The following FXYD6 variants were observed in gnomAD, a reference collection of about 807,000 sequenced individuals.
The protein encoded by FXYD6 is FXYD domain-containing ion transport regulator 6.
A neutral mutation model predicts 16.7 loss-of-function variants in FXYD6; 7 were observed. The observed-to-expected ratio is 0.42, with a 90% CI of 0.24 to 0.79. FXYD6 has a LOEUF of 0.79. Among genes scored for constraint, FXYD6 ranks in the 30% least tolerant of loss-of-function variants. The pLI is 0.28. For synonymous variants in FXYD6, 49 were observed against 43.0 expected (o/e 1.14, Z -0.54); for missense variants, 111 against 116.2 (o/e 0.95, Z 0.21).
intron 1 of FXYD6, among the ~76,000 whole-genome samples, chr11:117,857,931 G>A (rs534953694): frequency 7.2e-5 from 11 of 152,244 alleles, no homozygotes; most frequent in Admixed American, 4.6e-4. Context: ...GCTCATGAAC[G>A]GGACCTGGGG....
intron 5 of FXYD6, 85 bp downstream of exon 5, chr11:117,841,063 T>C: frequency 6.5e-7 from 1 of 1,548,948 alleles, no homozygotes; most frequent in Non-Finnish European, 8.8e-7. Flanking sequence ...TCCAAGAGAA[T>C]GCCCATTTGG....
At chr11:117,871,411 C>T (rs2057132912) in intron 1 of FXYD6, among the ~76,000 whole-genome samples, 1 of 119,448 alleles carries the variant, frequency 8.4e-6, no homozygotes, top group East Asian at 2.9e-4. Context: ...TGCCAGGCAC[C>T]GTGGGGAGAA....
chr11:117,842,845 C>T (rs2056385190), intron 1 of FXYD6, 64 bp from the exon 2 acceptor site: 7 of 1,531,590 alleles, frequency 4.6e-6, no homozygotes, highest in Admixed American at 2.0e-5. Context: ...CAGCTCCAAG[C>T]GTCAGCCTGA....
chr11:117,847,701 T>A (rs1413414280), intron 1 of FXYD6, among the ~76,000 whole-genome samples: 1 of 152,294 alleles, frequency 6.6e-6, no homozygotes, highest in East Asian at 1.9e-4. Flanking sequence ...GACTCGTCAT[T>A]TTTTATGGCT....
rs2057103102 is a variant in FXYD6 at position 117,870,116 on chromosome 11, A to C, written c.-6+6476T>G. ...CCATGGACTTCTCACAACAGCCCTC[A>C]GAAGCAGAAACACAGAACAGTACTG... On this transcript the variant is annotated intron_variant, in intron 1 of 7. Transcript: ENST00000526014. This position sits in a 1 kb window ranked among gnomAD's most constrained non-coding sequence, Gnocchi z 4.2. Among the ~76,000 whole-genome samples, 2 of 152,242 alleles carry C rather than the reference A, an allele frequency of 1.3e-5. No individual in the cohort carries two copies. Among genetic ancestry groups the C allele is most frequent in the South Asian group, 4.1e-4 (2 of 4,832 alleles).
chr11:117,840,989 C>T (rs895475554), intron 5 of FXYD6, among the ~76,000 whole-genome samples, 159 bp downstream of exon 5: 1 of 152,128 alleles, frequency 6.6e-6, no homozygotes, highest in African/African-American at 2.4e-5. Context: ...CCAGAGTCTA[C>T]CTGGCAGTCC....
In FXYD6 at chr11:117,837,523, AG is replaced by A. The variant is rs1336883999; in HGVS notation, c.*775del. On this transcript the variant is annotated 3_prime_UTR_variant, in exon 8 of 8. Coordinates refer to ENST00000526014, the MANE Select transcript of FXYD6 (RefSeq NM_022003.4). This position sits in a 1 kb window ranked among gnomAD's most constrained non-coding sequence, Gnocchi z 4.4. ...GGGACACATTCCCCAGGGGCAGAGTAGAAGCCCTGGGCCTGGAATCCCCGGG... is the reference window on the plus strand; with the variant it reads ...GGGACACATTCCCCAGGGGCAGAGTAAAGCCCTGGGCCTGGAATCCCCGGG... 6.5e-6 allele frequency: 1 copy of A among 152,806 alleles called. No homozygotes were observed. Among genetic ancestry groups the A allele is most frequent in the Non-Finnish European group, 1.5e-5 (1 of 68,220 alleles). The allele number at this position is 152,806 out of a possible 1,614,324, so 9.5% of individuals were successfully genotyped here.
At position 117,848,665 on chromosome 11, in the gene FXYD6, T is replaced by C. The variant is rs980373971; in HGVS notation, c.-5-5884A>G. Among the ~76,000 whole-genome samples the C allele has an allele frequency of 4.6e-5, 7 of 152,350 alleles. 2 individuals carry two copies. Among genetic ancestry groups the C allele is most frequent in the Admixed American group, 1.3e-4 (2 of 15,300 alleles). On this transcript the variant is annotated intron_variant, in intron 1 of 7. Coordinates refer to ENST00000526014, the MANE Select transcript of FXYD6 (RefSeq NM_022003.4). ...GTAAAATCATCCGGGCTTGGGACTTTCTTTGTGGGAAGATCTTAAATGGCC... is the reference window on the plus strand; with the variant it reads ...GTAAAATCATCCGGGCTTGGGACTTCCTTTGTGGGAAGATCTTAAATGGCC...
intron 6 of FXYD6, 193 bp from the exon 7 acceptor site, chr11:117,840,023 A>G: frequency 1.4e-6 from 1 of 703,998 alleles, no homozygotes; most frequent in Non-Finnish European, 2.4e-6. Context: ...AACCTCTCTC[A>G]GTCCCTCGGT....
At chr11:117,841,762 T>C in intron 4 of FXYD6, 29 bp downstream of exon 4, 1 of 1,612,662 alleles carries the variant, frequency 6.2e-7, no homozygotes, top group Non-Finnish European at 8.5e-7. Context: ...TCATTGCTCT[T>C]AACAGAGTGA....
chr11:117,870,749 A>G lies in FXYD6; in HGVS notation c.-6+5843T>C, dbSNP rs574467404. 7.2e-5 allele frequency among the ~76,000 whole-genome samples: 11 copies of G among 152,126 alleles called. 1 individual carries two copies. The South Asian group carries it at 1.5e-3, about 20-fold the overall frequency. ...ACTCTGTCTCTGTTTCAGGAAACAC[A>G]TTATCCCCTCCCTCCCCTCAATGCA... On this transcript the variant is annotated intron_variant, in intron 1 of 7. Transcript: ENST00000526014. This position sits in a 1 kb window ranked among gnomAD's most constrained non-coding sequence, Gnocchi z 4.2.
intron 1 of FXYD6, among the ~76,000 whole-genome samples, chr11:117,855,100 T>C (rs2056692049): frequency 6.6e-6 from 1 of 152,168 alleles, no homozygotes; most frequent in Admixed American, 6.5e-5. Context: ...TAAAGCATGA[T>C]GGGGTGGGTG....
rs1565323881 is a variant in FXYD6 at position 117,858,717 on chromosome 11, TTCCTTC to T, written c.-5-15942_-5-15937del. Among the ~76,000 whole-genome samples, 5 of 94,150 alleles carry T rather than the reference TTCCTTC, an allele frequency of 5.3e-5. No homozygotes were observed. In the South Asian group the frequency reaches 1.9e-3, roughly 36 times the overall value. 61.8% of individuals were successfully genotyped at this position (94,150 alleles called of 152,430 possible). On this transcript the variant is annotated intron_variant, in intron 1 of 7. Transcript: ENST00000526014. ...TTTCTTTCTTTCTCTCTCTCTCTCC[TTCCTTC>T]CCTTCCTTCCTTCCTTCCTTCCTTC...
rs1402159425 is a variant in FXYD6, at chr11:117,872,738, A to T, written c.-6+3854T>A. Among the ~76,000 whole-genome samples, 24 of 152,022 alleles carry T rather than the reference A, an allele frequency of 1.6e-4. 2 individuals are homozygous for T. Among genetic ancestry groups the T allele is most frequent in the Admixed American group, 1.6e-3 (24 of 15,280 alleles). On this transcript the variant is annotated intron_variant, in intron 1 of 7. Transcript: ENST00000526014. The surrounding 1 kb of genome is among the most constrained non-coding windows in gnomAD (Gnocchi z 4.9). ...TCCCTCCCACATCTTTGTAACAAAC[A>T]TGTTCCTGCGCAGCCTACAAGCTGG...
chr11:117,870,170 C>T lies in FXYD6; in HGVS notation c.-6+6422G>A, dbSNP rs992242633. On this transcript the variant is annotated intron_variant, in intron 1 of 7. Transcript: ENST00000526014. The surrounding 1 kb of genome is among the most constrained non-coding windows in gnomAD (Gnocchi z 4.2). ...GGCCAACTCAGGCACAGGCCAATGC[C>T]GCGCCTTGCCCAGAGGGAGTCAGAG... 2.0e-5 allele frequency among the ~76,000 whole-genome samples: 3 copies of T among 152,290 alleles called. No individual in the cohort carries two copies. The highest frequency in any genetic ancestry group is 2.9e-5 in the Non-Finnish European group (2 of 68,052).
chr11:117,862,421 C>T (rs978505560), intron 1 of FXYD6, among the ~76,000 whole-genome samples: 3 of 152,178 alleles, frequency 2.0e-5, no homozygotes, highest in African/African-American at 7.2e-5. Flanking sequence ...GAAAATGCAC[C>T]AGGGCAGGGT....
chr11:117,839,586 A>G (rs2056288479), intron 7 of FXYD6, 195 bp downstream of exon 7: 2 of 597,496 alleles, frequency 3.3e-6, no homozygotes, highest in Non-Finnish European at 5.8e-6. Flanking sequence ...TGTGTGTGGG[A>G]CACTTCGGGT....
intron 1 of FXYD6, among the ~76,000 whole-genome samples, chr11:117,869,689 A>AG (rs1491115053): frequency 6.9e-6 from 1 of 145,472 alleles, no homozygotes; most frequent in African/African-American, 2.5e-5. Context: ...GAAGAAGAAG[A>AG]AGAGAGAGAG....
At chr11:117,859,856 T>A (rs2056864247) in intron 1 of FXYD6, among the ~76,000 whole-genome samples, 1 of 152,168 alleles carries the variant, frequency 6.6e-6, no homozygotes, top group South Asian at 2.1e-4. Flanking sequence ...CCTGTTTTCA[T>A]CCTTAGTCTG....
Sources: allele counts gnomAD v4.1 joint callset (sites outside exome capture counted in the v4.1 genomes callset), GRCh38; gene constraint gnomAD v4.1.1; non-coding constraint Gnocchi (gnomAD v3.1); transcripts MANE v1.5; gene names NCBI Gene and HGNC (gene_info 2026-07-23, HGNC 2026-07-21).